The following PDZRN4 variants were observed in gnomAD, a reference collection of about 807,000 sequenced individuals.
PDZRN4 encodes the protein PDZ domain-containing RING finger protein 4.
Under a neutral mutation model 99.0 loss-of-function variants are expected in PDZRN4, and 70 were observed. That is an observed-to-expected ratio of 0.71 (90% CI 0.58 to 0.86). The LOEUF is 0.86. Among genes scored for constraint, PDZRN4 ranks in the 40% least tolerant of loss-of-function variants. PDZRN4 has a pLI of 0.00. For synonymous variants in PDZRN4, 551 were observed against 501.6 expected, an observed-to-expected ratio of 1.10 and a Z score of -1.32; for missense variants, 1,474 against 1,331.2, an observed-to-expected ratio of 1.11 and a Z score of -1.67.
intron 3 of PDZRN4, among the ~76,000 whole-genome samples, chr12:41,225,446 C>G (rs1267217954): frequency 7.8e-6 from 1 of 127,858 alleles, no homozygotes; most frequent in Non-Finnish European, 1.7e-5. Flanking sequence ...TTTTTTTTTT[C>G]TGATGTCATC....
At chr12:41,252,826 A>T (rs959859265) in intron 3 of PDZRN4, among the ~76,000 whole-genome samples, 5 of 152,212 alleles carry the variant, frequency 3.3e-5, no homozygotes, top group African/African-American at 1.2e-4. Context: ...TTTACAATAA[A>T]TGAACATTAG....
intron 3 of PDZRN4, among the ~76,000 whole-genome samples, chr12:41,389,964 T>C (rs1952198155): frequency 6.6e-6 from 1 of 152,174 alleles, no homozygotes; most frequent in African/African-American, 2.4e-5. Context: ...CAGTAGCCTC[T>C]TAGGTAATGT....
chr12:41,533,766 T>C (rs533094965), intron 5 of PDZRN4, among the ~76,000 whole-genome samples: 2 of 152,298 alleles, frequency 1.3e-5, no homozygotes, highest in South Asian at 4.1e-4. Flanking sequence ...TGTCATTTTC[T>C]ATCTTTTGTT....
chr12:41,471,629 T>C, intron 3 of PDZRN4, among the ~76,000 whole-genome samples: 1 of 150,796 alleles, frequency 6.6e-6, no homozygotes, highest in East Asian at 1.9e-4. Flanking sequence ...TGTGATGATT[T>C]TTATACAGAA....
chr12:41,444,187 C>G (rs1244649980), intron 3 of PDZRN4, among the ~76,000 whole-genome samples: 1 of 152,092 alleles, frequency 6.6e-6, no homozygotes, highest in African/African-American at 2.4e-5. Flanking sequence ...TTAGAACAGA[C>G]TTGCTCCAGC....
intron 3 of PDZRN4, among the ~76,000 whole-genome samples, chr12:41,253,958 G>T (rs1422244534): frequency 2.0e-5 from 3 of 151,972 alleles, no homozygotes; most frequent in Non-Finnish European, 4.4e-5. Flanking sequence ...ATAGAGAATA[G>T]ATTCCTGGCC....
At chr12:41,376,355 G>C (rs181410901) in intron 3 of PDZRN4, among the ~76,000 whole-genome samples, 1 of 151,896 alleles carries the variant, frequency 6.6e-6, no homozygotes, top group Non-Finnish European at 1.5e-5. Context: ...AATGCACAAG[G>C]GTTCCCTTTT....
intron 3 of PDZRN4, chr12:41,411,914 G>A (rs1422888788): frequency 6.6e-6 from 1 of 152,138 alleles, no homozygotes; most frequent in East Asian, 1.9e-4. Flanking sequence ...GAGAAGAAAG[G>A]TTAGAGAAGA....
chr12:41,288,887 G>A (rs79099982), intron 3 of PDZRN4, among the ~76,000 whole-genome samples: 1,727 of 152,004 alleles, frequency 0.011, 52 homozygotes, highest in East Asian at 0.097. Flanking sequence ...GATAACAGCA[G>A]GCATAATGGT....
chr12:41,432,347 C>CTTAATATTCTTGAATACTAAGAATATTCT (rs1952592623), intron 3 of PDZRN4, among the ~76,000 whole-genome samples: 2 of 152,308 alleles, frequency 1.3e-5, no homozygotes, highest in Admixed American at 6.5e-5. Context: ...AGCCTTTTAA[C>CTTAATATTCTTGAATACTAAGAATATTCT]TTAATATTCT....
chr12:41,454,213 G>A (rs1952799727), intron 3 of PDZRN4, among the ~76,000 whole-genome samples: 1 of 152,048 alleles, frequency 6.6e-6, no homozygotes, highest in African/African-American at 2.4e-5. Flanking sequence ...TCAACAAATT[G>A]CAGAACAGCA....
At chr12:41,513,035 C>T (rs564814272) in intron 5 of PDZRN4, among the ~76,000 whole-genome samples, 11 of 152,074 alleles carry the variant, frequency 7.2e-5, no homozygotes, top group Non-Finnish European at 1.3e-4. Context: ...TAAAGACCTA[C>T]TTACTATTAA....
In PDZRN4 at chr12:41,555,402, G is replaced by GA. The variant is rs145186833; in HGVS notation, c.1303-285dup. The stretch of plus-strand genomic sequence containing the variant: ...GATACAGAAATGAGTGAACAAATGT[G>GA]AAAAAAAAAAAGAATGAAGGGAAAA... On this transcript the variant is annotated intron_variant, in intron 6 of 9. Coordinates refer to ENST00000402685, the MANE Select transcript of PDZRN4 (RefSeq NM_001164595.2). Among the ~76,000 whole-genome samples, 669 of 140,176 alleles carry GA rather than the reference G, an allele frequency of 4.8e-3. 4 individuals are homozygous for GA. The highest frequency in any genetic ancestry group is 0.012 in the African/African-American group (463 of 38,470). 92.0% of individuals were successfully genotyped at this position (140,176 alleles called of 152,430 possible). A position where few individuals can be genotyped will look rare whatever the true frequency, so the allele number is the denominator to read the frequency against.
chr12:41,364,804 G>A (rs1951986132), intron 3 of PDZRN4, among the ~76,000 whole-genome samples: 1 of 152,050 alleles, frequency 6.6e-6, no homozygotes, highest in Non-Finnish European at 1.5e-5. Context: ...ACTGGTGGAT[G>A]GCAAGTAGCA....
At chr12:41,402,236 C>T (rs28644212) in intron 3 of PDZRN4, among the ~76,000 whole-genome samples, 21 of 202 alleles carry the variant, frequency 0.1, 3 homozygotes, top group African/African-American at 0.31. Flanking sequence ...ACTGAGTATA[C>T]ATATATATAT....
At chr12:41,312,914 T>C in intron 3 of PDZRN4, among the ~76,000 whole-genome samples, 1 of 152,174 alleles carries the variant, frequency 6.6e-6, no homozygotes, top group African/African-American at 2.4e-5. Flanking sequence ...CAGTGTCCGT[T>C]ATGGCCAAAT....
chr12:41,239,548 A>G (rs972760650), intron 3 of PDZRN4, among the ~76,000 whole-genome samples: 7 of 152,234 alleles, frequency 4.6e-5, no homozygotes, highest in Non-Finnish European at 8.8e-5. Context: ...GTGTAATAAC[A>G]TAGGGAAATT....
At chr12:41,225,047 C>T (rs780161732) in intron 3 of PDZRN4, among the ~76,000 whole-genome samples, 3 of 152,042 alleles carry the variant, frequency 2.0e-5, no homozygotes, top group Admixed American at 6.6e-5. Flanking sequence ...TTCAAATGAT[C>T]ATTATAACTA....
intron 8 of PDZRN4, among the ~76,000 whole-genome samples, chr12:41,566,266 A>C (rs1939368634): frequency 6.6e-6 from 1 of 152,146 alleles, no homozygotes; most frequent in Admixed American, 6.6e-5. Flanking sequence ...TCAATATATC[A>C]GTGTTAGAAA....
Sources: allele counts gnomAD v4.1 joint callset (sites outside exome capture counted in the v4.1 genomes callset), GRCh38; gene constraint gnomAD v4.1.1; transcripts MANE v1.5; gene names NCBI Gene and HGNC (gene_info 2026-07-23, HGNC 2026-07-21).